The following MFSD12 variants were observed in gnomAD, a reference collection of about 807,000 sequenced individuals.
The protein encoded by MFSD12 is major facilitator superfamily domain-containing protein 12.
MFSD12 carries 67 observed loss-of-function variants against 51.2 expected under a neutral mutation model. The ratio of observed to expected loss-of-function variants is 1.31; its 90% confidence interval spans 1.08 to 1.60. The LOEUF (loss-of-function observed/expected upper bound fraction) is 1.60. Among genes scored for constraint, MFSD12 ranks in the 40% most tolerant of loss-of-function variants. The pLI is 0.00. For synonymous variants in MFSD12, 441 were observed against 316.7 expected (o/e 1.39, Z -4.17); for missense variants, 921 against 673.0 (o/e 1.37, Z -4.08).
downstream of MFSD12, chr19:3,542,294 TAGTCAG>T: frequency 2.0e-6 from 2 of 985,384 alleles, no homozygotes; most frequent in Non-Finnish European, 1.2e-6. Flanking sequence ...CCTGGGAGTC[TAGTCAG>T]GATTTAAGCA....
rs1391017312 is a variant in MFSD12, at chr19:3,544,279, G to A, written c.*431C>T. Reference sequence around the variant, plus strand: ...CTGCTGCCCACCACGGTGGGGTCCAGGCCCAGCCCACCACCCCGTGGCTGT... The same window carrying A: ...CTGCTGCCCACCACGGTGGGGTCCAAGCCCAGCCCACCACCCCGTGGCTGT... On this transcript the variant is annotated 3_prime_UTR_variant, in exon 10 of 10. Coordinates refer to ENST00000355415, the MANE Select transcript of MFSD12 (RefSeq NM_174983.5). The A allele has an allele frequency of 7.7e-7, 1 of 1,299,492 alleles. No individual in the cohort carries two copies. Among genetic ancestry groups the A allele is most frequent in the East Asian group, 3.0e-5 (1 of 33,232 alleles). The allele number at this position is 1,299,492 out of a possible 1,614,324, so 80.5% of individuals were successfully genotyped here. A position where few individuals can be genotyped will look rare whatever the true frequency, so the allele number is the denominator to read the frequency against.
chr19:3,545,115 G>C (rs972065616), intron 8 of MFSD12, among the ~76,000 whole-genome samples, 176 bp from the exon 9 acceptor site: 9 of 152,074 alleles, frequency 5.9e-5, no homozygotes, highest in African/African-American at 1.9e-4. Context: ...CCAGTCCTGT[G>C]GGCCCTGCTT....
At position 3,544,495 on chromosome 19, in the gene MFSD12, G is replaced by C. The variant is rs3194440; in HGVS notation, c.*215C>G. 2 of 1,396,182 alleles carry C rather than the reference G, an allele frequency of 1.4e-6. No individual in the cohort carries two copies. The highest frequency in any genetic ancestry group is 1.9e-6 in the Non-Finnish European group (2 of 1,077,830). The allele number at this position is 1,396,182 out of a possible 1,614,324, so 86.5% of individuals were successfully genotyped here. ...GAGGGCTGGGATGGATTAGAGTTGAGAATGGGACACCCTCAAAACCCAGGG... is the reference window on the plus strand; with the variant it reads ...GAGGGCTGGGATGGATTAGAGTTGACAATGGGACACCCTCAAAACCCAGGG... On this transcript the variant is annotated 3_prime_UTR_variant, in exon 10 of 10. Transcript: ENST00000355415.
chr19:3,550,937 G>C, intron 2 of MFSD12, 47 bp downstream of exon 2: 5 of 1,549,484 alleles, frequency 3.2e-6, no homozygotes, highest in South Asian at 2.3e-5. Flanking sequence ...CTGATACACC[G>C]AGCCGGGGCC....
At chr19:3,556,945 A>C (rs1385056819) in intron 1 of MFSD12, among the ~76,000 whole-genome samples, 161 bp downstream of exon 1, 1 of 152,174 alleles carries the variant, frequency 6.6e-6, no homozygotes, top group Non-Finnish European at 1.5e-5. Context: ...AAGGCCGTGG[A>C]CAGACAGTGC....
chr19:3,543,646 G>C, downstream of MFSD12: 2 of 1,543,936 alleles, frequency 1.3e-6, no homozygotes, highest in Non-Finnish European at 1.7e-6. Flanking sequence ...GGAGCGCGCT[G>C]TGGAAAGACA....
At chr19:3,544,761 G>A (rs769087188) in intron 9 of MFSD12, 29 bp from the exon 10 acceptor site, 22 of 1,581,376 alleles carry the variant, frequency 1.4e-5, no homozygotes, top group Non-Finnish European at 1.8e-5. Flanking sequence ...AATGGCATTA[G>A]AGAGTGTGGG....
At position 3,547,963 on chromosome 19, in the gene MFSD12, TC is replaced by T; in HGVS notation, c.721del (p.Glu241ArgfsTer45). 6.3e-7 allele frequency: 1 copy of T among 1,597,304 alleles called. No homozygotes were observed. The highest frequency in any genetic ancestry group is 8.5e-7 in the Non-Finnish European group (1 of 1,178,440). ...CTCCTCCGCATGCGGCCGGCGCCTCTCCCGGGTGCCCAGGTGGAATAGCAGT... is the reference window on the plus strand; with the variant it reads ...CTCCTCCGCATGCGGCCGGCGCCTCTCCGGGTGCCCAGGTGGAATAGCAGT... Reference protein sequence around the residue: ...FSLLFHLGTRERRRPHAEEPG... With the variant: ...FSLLFHLGTRXRRRPHAEEPG... On this transcript the variant is annotated frameshift_variant, in exon 4 of 10. Transcript: ENST00000355415. LOFTEE classifies it high-confidence loss of function.
intron 6 of MFSD12, among the ~76,000 whole-genome samples, chr19:3,546,855 CAAG>C (rs766203656): frequency 1.3e-5 from 2 of 151,936 alleles, no homozygotes; most frequent in South Asian, 2.1e-4. Flanking sequence ...TTTCTGGAGA[CAAG>C]AGTCTCGCTG....
chr19:3,545,271 G>A (rs755939882), intron 8 of MFSD12, among the ~76,000 whole-genome samples: 18 of 152,208 alleles, frequency 1.2e-4, no homozygotes, highest in African/African-American at 2.7e-4. Context: ...ACCAGAGGGC[G>A]TCTGTGAGCG....
rs183309700 is a variant in MFSD12, at chr19:3,554,345, G to A, written c.298+2761C>T. On this transcript the variant is annotated intron_variant, in intron 1 of 9. Transcript: ENST00000355415. ...CCAGCTACTCAGGAGGCTGACGCAC[G>A]AGAATCCTTTGAACTCAGGAGGCGA... Among the ~76,000 whole-genome samples the A allele has an allele frequency of 4.6e-4, 70 of 151,416 alleles. 1 individual carries two copies. In the East Asian group the frequency reaches 9.6e-3, roughly 21 times the overall value.
chr19:3,541,284 C>A (rs151064179), downstream of MFSD12, among the ~76,000 whole-genome samples: 118 of 151,628 alleles, frequency 7.8e-4, no homozygotes, highest in African/African-American at 2.1e-3. Flanking sequence ...TGCAGTGAGC[C>A]GAAATCGTGC....
At chr19:3,550,933 C>T (rs965962363) in intron 2 of MFSD12, 51 bp downstream of exon 2, 4 of 1,515,090 alleles carry the variant, frequency 2.6e-6, no homozygotes, top group African/African-American at 1.4e-5. Context: ...CTGACTGATA[C>T]ACCGAGCCGG....
chr19:3,539,642 C>T (rs2030196313), downstream of MFSD12: 1 of 220,068 alleles, frequency 4.5e-6, no homozygotes, highest in Non-Finnish European at 9.0e-6. Context: ...ACCCCAGGCA[C>T]TCCTTGGCCC....
downstream of MFSD12, chr19:3,541,811 C>T: frequency 1.0e-6 from 1 of 984,154 alleles, no homozygotes. Context: ...TTATTCTGTG[C>T]TGTTTTGTTT....
chr19:3,538,809 TG>T, intron 4 of MFSD12: 1 of 550,122 alleles, frequency 1.8e-6, no homozygotes, highest in East Asian at 4.9e-5. Flanking sequence ...AGTGAGGAGC[TG>T]GGGTGACAGG....
At position 3,548,300 on chromosome 19, in the gene MFSD12, C is replaced by T. The variant is rs368445778; in HGVS notation, c.510-33G>A. On this transcript the variant is annotated intron_variant, in intron 2 of 9. Transcript: ENST00000355415. The stretch of plus-strand genomic sequence containing the variant: ...GCAGGCGGGCAGGGACTCAACAAGA[C>T]GCCAGGAACCTGGGTCACTTCCTCC... The T allele has an allele frequency of 5.1e-5, 79 of 1,542,630 alleles. 1 individual carries two copies. The highest frequency in any genetic ancestry group is 3.7e-4 in the South Asian group (31 of 83,904).
chr19:3,541,704 G>A, downstream of MFSD12: 3 of 985,278 alleles, frequency 3.0e-6, no homozygotes, highest in Non-Finnish European at 3.6e-6. Flanking sequence ...GTGAGTGCAT[G>A]TACCACCTGC....
At chr19:3,539,191 G>GGC (rs776484234) in intron 4 of MFSD12, 57 of 1,550,410 alleles carry the variant, frequency 3.7e-5, no homozygotes, top group Middle Eastern at 1.7e-4. Flanking sequence ...CAAACCCTCA[G>GGC]GCAAGAGGCT....
Sources: gnomAD v4.1 joint callset for allele counts (sites outside exome capture counted in the v4.1 genomes callset) on GRCh38, gnomAD v4.1.1 for gene constraint, MANE v1.5 for transcripts, NCBI Gene and HGNC (gene_info 2026-07-23, HGNC 2026-07-21) for gene names.